Variants in DARS1 observed in about 807,000 individuals in gnomAD.
DARS1 encodes aspartate--tRNA ligase, cytoplasmic.
Under a neutral mutation model 68.8 loss-of-function variants are expected in DARS1, and 51 were observed. That is an observed-to-expected ratio of 0.74 (90% CI 0.59 to 0.94). The LOEUF is 0.94. DARS1 is among the 40% of genes least tolerant of loss of function. The pLI, the probability that DARS1 is intolerant of heterozygous loss-of-function variation, is 0.00. For missense variants in DARS1, 607 were observed against 597.3 expected, an observed-to-expected ratio of 1.02 and a Z score of -0.17; for synonymous variants, 203 against 190.4, an observed-to-expected ratio of 1.07 and a Z score of -0.55.
Position 135,983,385 on chromosome 2 carries a change from A to G in DARS1, c.124+12T>C. Reference sequence around the variant, plus strand: ...GCAAAAAAGCTTTATTTACTGTCACATAGCTACTAACCTGGTTTTTCTTGT... The same window carrying G: ...GCAAAAAAGCTTTATTTACTGTCACGTAGCTACTAACCTGGTTTTTCTTGT... On this transcript the variant is annotated intron_variant, in intron 2 of 15. Coordinates refer to ENST00000264161, the MANE Select transcript of DARS1 (RefSeq NM_001349.4). 1.0e-6 allele frequency: 1 copy of G among 958,226 alleles called. No homozygotes were observed. The highest frequency in any genetic ancestry group is 1.7e-6 in the Non-Finnish European group (1 of 589,114). The allele number at this position is 958,226 out of a possible 1,614,324, so 59.4% of individuals were successfully genotyped here.
At position 135,945,375 on chromosome 2, in the gene DARS1, G is replaced by A. The variant is rs201281455; in HGVS notation, c.321-1895C>T. Among the ~76,000 whole-genome samples the A allele has an allele frequency of 4.6e-5, 7 of 152,190 alleles. No individual in the cohort carries two copies. In the East Asian group the frequency reaches 5.8e-4, roughly 13 times the overall value. On this transcript the variant is annotated intron_variant, in intron 4 of 15. Coordinates refer to ENST00000264161, the MANE Select transcript of DARS1 (RefSeq NM_001349.4). ...ACTCCTGACCTCAGGTGATCCACCC[G>A]TCTTGGCCTCCCAAACTGCTGGGAT... is the stretch of plus-strand genomic sequence containing the variant.
intron 9 of DARS1, among the ~76,000 whole-genome samples, chr2:135,922,514 G>T (rs1177438654): frequency 2.0e-5 from 3 of 152,084 alleles, no homozygotes; most frequent in African/African-American, 7.2e-5. Flanking sequence ...GCATTCCTCT[G>T]TAAGAATACA....
chr2:135,936,688 C>T (rs906727967), intron 5 of DARS1, among the ~76,000 whole-genome samples: 1 of 152,150 alleles, frequency 6.6e-6, no homozygotes, highest in Non-Finnish European at 1.5e-5. Flanking sequence ...TTTGTCTTTA[C>T]TAGGTTACAA....
intron 4 of DARS1, among the ~76,000 whole-genome samples, chr2:135,957,986 G>A (rs1390346422): frequency 6.6e-6 from 1 of 152,116 alleles, no homozygotes; most frequent in Non-Finnish European, 1.5e-5. Flanking sequence ...TAGCCTTAGA[G>A]CCAGTTCCAT....
intron 3 of DARS1, among the ~76,000 whole-genome samples, chr2:135,968,360 GA>G (rs1682286104): frequency 6.6e-6 from 1 of 152,202 alleles, no homozygotes; most frequent in Non-Finnish European, 1.5e-5. Flanking sequence ...GCTTGTAACA[GA>G]GTATCTGAAA....
chr2:135,943,464 T>C lies in DARS1; in HGVS notation c.337A>G (p.Ile113Val), dbSNP rs201930403. The part of the protein sequence containing the change: ...KFAANINKES[I>V]VDVEGVVRKV... ...CTCACAACACCTTCTACATCCACAA[T>C]GCTCTCTTTGTTGATGCTGTCAAGA... The change falls in exon 5 of 16, where the codon ATT becomes GTT. Residue 113 changes from isoleucine (I) to valine (V), a missense_variant. Physicochemically the swap from Ile to Val is conservative, Grantham distance 29. Transcript: ENST00000264161. The C allele has an allele frequency of 1.1e-5, 17 of 1,613,500 alleles. No homozygotes were observed. In the East Asian group the frequency reaches 2.9e-4, roughly 28 times the overall value.
rs779584968 is a variant in DARS1 at position 135,911,152 on chromosome 2, A to G, written c.1401T>C (p.Ala467=). 6 of 1,461,328 alleles carry G rather than the reference A, an allele frequency of 4.1e-6. No individual in the cohort carries two copies. The highest frequency in any genetic ancestry group is 3.5e-4 in the Middle Eastern group (2 of 5,728). The allele number at this position is 1,461,328 out of a possible 1,614,324, so 90.5% of individuals were successfully genotyped here. Residue 467 remains alanine, a synonymous_variant, in exon 15 of 16, where the codon GCT becomes GCC. Coordinates refer to ENST00000264161, the MANE Select transcript of DARS1 (RefSeq NM_001349.4). The stretch of plus-strand genomic sequence containing the variant: ...ACAGAATATTACCAATGCCTCCACC[A>G]GCATGAGGAGGGGCTCCAAAGCGGA... ...DSFRFGAPPH[A]GGGIGLERVT...
chr2:135,958,300 G>A (rs906927302), intron 4 of DARS1, among the ~76,000 whole-genome samples: 1 of 152,158 alleles, frequency 6.6e-6, no homozygotes, highest in Admixed American at 6.5e-5. Context: ...GCATCCAACT[G>A]TTATACTACT....
intron 1 of DARS1, among the ~76,000 whole-genome samples, chr2:135,984,158 T>G (rs1682712893): frequency 6.6e-6 from 1 of 152,206 alleles, no homozygotes; most frequent in South Asian, 2.1e-4. Context: ...AATAGATAAG[T>G]GGCCTTTATT....
intron 7 of DARS1, among the ~76,000 whole-genome samples, chr2:135,926,629 TTAAAAG>T (rs1425343903): frequency 6.6e-6 from 1 of 152,236 alleles, no homozygotes; most frequent in Non-Finnish European, 1.5e-5. Context: ...AAGATGTTCT[TTAAAAG>T]TAAATAACAA....
At chr2:135,938,887 G>A (rs1009956089) in intron 5 of DARS1, among the ~76,000 whole-genome samples, 16 of 152,004 alleles carry the variant, frequency 1.1e-4, no homozygotes, top group Non-Finnish European at 1.5e-4. Flanking sequence ...CAGACTTTAA[G>A]CCAACAAAGA....
chr2:135,929,770 GCT>G (rs2104807676), intron 7 of DARS1, among the ~76,000 whole-genome samples: 1 of 152,304 alleles, frequency 6.6e-6, no homozygotes, highest in East Asian at 1.9e-4. Context: ...TAGAAGATGG[GCT>G]ATTGATATTA....
In DARS1 at chr2:135,937,625, G is replaced by A. The variant is rs529061564; in HGVS notation, c.424-3635C>T. Among the ~76,000 whole-genome samples the A allele has an allele frequency of 2.6e-5, 4 of 152,274 alleles. No individual in the cohort carries two copies. In the East Asian group the frequency reaches 7.7e-4, roughly 29 times the overall value. ...ATTTGGCATGTTTTTGCAGTGGCTG[G>A]TACTGGTTGTTCCTTTCCATGTTTA... On this transcript the variant is annotated intron_variant, in intron 5 of 15. Coordinates refer to ENST00000264161, the MANE Select transcript of DARS1 (RefSeq NM_001349.4).
At chr2:135,958,405 G>T (rs1682024485) in intron 4 of DARS1, among the ~76,000 whole-genome samples, 1 of 152,032 alleles carries the variant, frequency 6.6e-6, no homozygotes, top group Non-Finnish European at 1.5e-5. Flanking sequence ...CCCATTTTAT[G>T]CGCTAAAACA....
In DARS1 at chr2:135,984,704, T is replaced by C. The variant is rs560778892; in HGVS notation, c.66+699A>G. Among the ~76,000 whole-genome samples, 31 of 152,292 alleles carry C rather than the reference T, an allele frequency of 2.0e-4. No homozygotes were observed. The South Asian group carries it at 3.3e-3, about 16-fold the overall frequency. On this transcript the variant is annotated intron_variant, in intron 1 of 15. Coordinates refer to ENST00000264161, the MANE Select transcript of DARS1 (RefSeq NM_001349.4). ...AACTCAGAACTCCTTATAGAAAAAT[T>C]AGGGAGCCAGACGGAAATTAAGGCT... is the stretch of plus-strand genomic sequence containing the variant.
At chr2:135,942,271 T>C (rs1303529686) in intron 5 of DARS1, among the ~76,000 whole-genome samples, 1 of 151,982 alleles carries the variant, frequency 6.6e-6, no homozygotes, top group African/African-American at 2.4e-5. Context: ...CCATCAATGA[T>C]AGACTGGATT....
At chr2:135,975,603 G>C (rs1440069950) in intron 3 of DARS1, among the ~76,000 whole-genome samples, 8 of 151,910 alleles carry the variant, frequency 5.3e-5, no homozygotes, top group African/African-American at 1.9e-4. Flanking sequence ...AGACCACCCT[G>C]GCCAACATGG....
intron 3 of DARS1, among the ~76,000 whole-genome samples, chr2:135,972,254 A>G (rs1257297822): frequency 2.6e-5 from 4 of 151,690 alleles, no homozygotes; most frequent in Non-Finnish European, 4.4e-5. Flanking sequence ...GTGGAACAGA[A>G]GAGAGAATCC....
intron 3 of DARS1, among the ~76,000 whole-genome samples, chr2:135,975,417 A>C (rs1682474428): frequency 6.6e-6 from 1 of 152,156 alleles, no homozygotes; most frequent in Non-Finnish European, 1.5e-5. Context: ...GAAAAGTGCA[A>C]GTTATAAAAT....
Sources: allele counts gnomAD v4.1 joint callset (sites outside exome capture counted in the v4.1 genomes callset), GRCh38; gene constraint gnomAD v4.1.1; transcripts MANE v1.5; gene names NCBI Gene and HGNC (gene_info 2026-07-23, HGNC 2026-07-21).